Variants in APBA1 observed in about 807,000 individuals in gnomAD.
APBA1 encodes amyloid-beta A4 precursor protein-binding family A member 1.
In APBA1, 55 loss-of-function variants were observed where a neutral mutation model predicts 86.6. That is an observed-to-expected ratio of 0.64 (90% CI 0.51 to 0.80). The LOEUF (loss-of-function observed/expected upper bound fraction) is 0.80. APBA1 is among the 30% of genes least tolerant of loss of function. The pLI is 0.00. For synonymous variants in APBA1, 511 were observed against 493.9 expected (o/e 1.03, Z -0.46); for missense variants, 1,090 against 1,183.0 (o/e 0.92, Z 1.15).
At chr9:69,437,692 C>T (rs1298291654) in intron 11 of APBA1, among the ~76,000 whole-genome samples, 54 of 2,280 alleles carry the variant, frequency 0.024, 4 homozygotes, top group African/African-American at 0.077. Context: ...GTCTTGCTAG[C>T]GGTCTATCAA....
In APBA1 at chr9:69,449,498, T is replaced by A; in HGVS notation, c.2181+86A>T. 4 of 1,237,512 alleles carry A rather than the reference T, an allele frequency of 3.2e-6. No homozygotes were observed. The South Asian group carries it at 3.9e-5, about 12-fold the overall frequency. The allele number at this position is 1,237,512 out of a possible 1,614,324, so 76.7% of individuals were successfully genotyped here. ...TTGGTGCCTGACACTTTGAATATGT[T>A]CATATACATTAATGACTGGATGGGG... On this transcript the variant is annotated intron_variant, in intron 10 of 12. Transcript: ENST00000265381.
At chr9:69,611,015 A>G (rs2133981834) in intron 1 of APBA1, among the ~76,000 whole-genome samples, 1 of 151,890 alleles carries the variant, frequency 6.6e-6, no homozygotes, top group South Asian at 2.1e-4. Context: ...GTGTTGAGGT[A>G]AACTCACTGC....
intron 1 of APBA1, among the ~76,000 whole-genome samples, chr9:69,549,621 A>G (rs11139289): frequency 0.39 from 59,566 of 152,110 alleles, 12,767 homozygotes; most frequent in Non-Finnish European, 0.47. Context: ...CTCTCGTGGT[A>G]AAAGAGGGTA....
intron 2 of APBA1, among the ~76,000 whole-genome samples, chr9:69,491,106 T>C (rs2133860180): frequency 6.6e-6 from 1 of 152,220 alleles, no homozygotes; most frequent in East Asian, 1.9e-4. Flanking sequence ...CATTACTGGG[T>C]ATATACCCAA....
chr9:69,640,312 C>A (rs1484256985), intron 1 of APBA1, among the ~76,000 whole-genome samples: 1 of 151,888 alleles, frequency 6.6e-6, no homozygotes, highest in African/African-American at 2.4e-5. Flanking sequence ...TAGTGTGAGC[C>A]CTCACTCCCG....
At chr9:69,575,214 G>A (rs565897262) in intron 1 of APBA1, among the ~76,000 whole-genome samples, 11 of 152,098 alleles carry the variant, frequency 7.2e-5, no homozygotes, top group African/African-American at 1.4e-4. Flanking sequence ...CACTGCACCC[G>A]GCCCAATTAT....
chr9:69,603,967 C>G (rs1822407347), intron 1 of APBA1, among the ~76,000 whole-genome samples: 1 of 152,208 alleles, frequency 6.6e-6, no homozygotes, highest in Non-Finnish European at 1.5e-5. Flanking sequence ...GTAGAAAATG[C>G]TAACTATTAC....
intron 1 of APBA1, among the ~76,000 whole-genome samples, chr9:69,659,512 C>T (rs1436420141): frequency 6.6e-6 from 1 of 152,114 alleles, no homozygotes; most frequent in Non-Finnish European, 1.5e-5. Flanking sequence ...CTAAGCCTGC[C>T]CTCTCCACAT....
At position 69,516,189 on chromosome 9, in the gene APBA1, T is replaced by A. The variant is rs769419470; in HGVS notation, c.1022A>T (p.Glu341Val). ...GGCCAGCGAGATGGCATCGCGCTTC[T>A]CCTTGCTGTACCGCTGCCCCGCCTC... ...GGEAGQRYSK[E>V]KRDAISLAIK... Residue 341 changes from glutamate to valine, a missense_variant, in exon 2 of 13, where the codon GAG becomes GTG. Physicochemically the swap from Glu to Val is moderately radical, Grantham distance 121. Coordinates refer to ENST00000265381, the MANE Select transcript of APBA1 (RefSeq NM_001163.4). This position sits in a 1 kb window ranked among gnomAD's most constrained non-coding sequence, Gnocchi z 7.3. 1 of 1,607,026 alleles carries A rather than the reference T, an allele frequency of 6.2e-7. No homozygotes were observed. Among genetic ancestry groups the A allele is most frequent in the Non-Finnish European group, 8.5e-7 (1 of 1,177,040 alleles).
chr9:69,611,305 CA>C lies in APBA1; in HGVS notation c.-70+60847del, dbSNP rs1184528431. The stretch of plus-strand genomic sequence containing the variant: ...AAAAGGAAAAAAAAAAAAAAAAAAA[CA>C]AAAAAAAAACCCAAACCGGCTAAAA... On this transcript the variant is annotated intron_variant, in intron 1 of 12. Transcript: ENST00000265381. Among the ~76,000 whole-genome samples, 656 of 101,982 alleles carry C rather than the reference CA, an allele frequency of 6.4e-3. 1 individual carries two copies. The highest frequency in any genetic ancestry group is 0.02 in the African/African-American group (589 of 28,798). The allele number at this position is 101,982 out of a possible 152,430, so 66.9% of individuals were successfully genotyped here.
chr9:69,599,934 A>C (rs1822314244), intron 1 of APBA1, among the ~76,000 whole-genome samples: 1 of 152,260 alleles, frequency 6.6e-6, no homozygotes, highest in African/African-American at 2.4e-5. Context: ...ATTCAAAACA[A>C]GTCAAAGGTT....
intron 5 of APBA1, among the ~76,000 whole-genome samples, chr9:69,459,284 T>C (rs1444052176): frequency 6.6e-6 from 1 of 152,234 alleles, no homozygotes; most frequent in Non-Finnish European, 1.5e-5. Context: ...GGGACAGTGT[T>C]CAATCAATGA....
In APBA1 at chr9:69,516,574, G is replaced by A. The variant is rs1836155396; in HGVS notation, c.637C>T (p.Leu213=). The change falls in exon 2 of 13, where the codon CTG becomes TTG. Residue 213 remains leucine (L), a synonymous_variant. Transcript: ENST00000265381. This position sits in a 1 kb window ranked among gnomAD's most constrained non-coding sequence, Gnocchi z 7.3. ...TCGCGCTCCTGCTCGTAGAGCCGCA[G>A]GCCGTCGCGTGCGTCCAGCTCGGGC... ...DAPELDARDG[L]RLYEQERDEA... 6.2e-7 allele frequency: 1 copy of A among 1,601,362 alleles called. No individual in the cohort carries two copies. Among genetic ancestry groups the A allele is most frequent in the Non-Finnish European group, 8.5e-7 (1 of 1,178,860 alleles).
Position 69,529,471 on chromosome 9 carries a change from G to A in APBA1, c.-69-12192C>T, listed in dbSNP as rs73647246. Among the ~76,000 whole-genome samples the A allele has an allele frequency of 8.5e-3, 1,300 of 152,194 alleles. 22 individuals carry two copies. Among genetic ancestry groups the A allele is most frequent in the African/African-American group, 0.03 (1,246 of 41,556 alleles). ...GGAAAAGAAATATAATGTGGGGAAA[G>A]GCAAAAACTATTTTTTCTTAAAAAT... On this transcript the variant is annotated intron_variant, in intron 1 of 12. Transcript: ENST00000265381.
At chr9:69,491,380 T>C (rs1835707753) in intron 2 of APBA1, among the ~76,000 whole-genome samples, 1 of 151,748 alleles carries the variant, frequency 6.6e-6, no homozygotes. Context: ...CCGCATGTTC[T>C]CACTCATAGG....
chr9:69,515,815 C>T (rs896259565), intron 2 of APBA1, among the ~76,000 whole-genome samples, 196 bp downstream of exon 2: 10 of 151,812 alleles, frequency 6.6e-5, no homozygotes, highest in African/African-American at 2.4e-4. Flanking sequence ...TGAGTGCATT[C>T]AACACTTTAA....
chr9:69,652,280 A>T (rs1229131230), intron 1 of APBA1, among the ~76,000 whole-genome samples: 4 of 152,226 alleles, frequency 2.6e-5, no homozygotes, highest in African/African-American at 9.6e-5. Flanking sequence ...CAGGAACTAG[A>T]CACAGGCCCT....
intron 2 of APBA1, among the ~76,000 whole-genome samples, chr9:69,477,100 C>A (rs1297578488): frequency 6.6e-6 from 1 of 152,168 alleles, no homozygotes; most frequent in East Asian, 1.9e-4. Context: ...AAGAATTCCA[C>A]AGCAGGGGGC....
At chr9:69,599,291 A>G (rs1822300892) in intron 1 of APBA1, among the ~76,000 whole-genome samples, 1 of 152,254 alleles carries the variant, frequency 6.6e-6, no homozygotes. Flanking sequence ...CCAACTGTCA[A>G]TATTTGAAAA....
Sources: gnomAD v4.1 joint callset for allele counts (sites outside exome capture counted in the v4.1 genomes callset) on GRCh38, gnomAD v4.1.1 for gene constraint, Gnocchi (gnomAD v3.1) non-coding constraint, MANE v1.5 for transcripts, NCBI Gene and HGNC (gene_info 2026-07-23, HGNC 2026-07-21) for gene names.